Variants in PTK2 observed in about 807,000 individuals in gnomAD.
The protein encoded by PTK2 is protein tyrosine kinase 2, also known as focal adhesion kinase 1.
In PTK2, 45 loss-of-function variants were observed where a neutral mutation model predicts 150.1. The ratio of observed to expected loss-of-function variants is 0.30; its 90% CI spans 0.24 to 0.38. The LOEUF (loss-of-function observed/expected upper bound fraction) is 0.38, where lower values mean the gene tolerates loss of function less well. Ranked by LOEUF, PTK2 falls within the 10% of genes least tolerant of loss-of-function variation. The probability of loss-of-function intolerance (pLI) is 1.00; values close to 1 mark genes in which losing one functional copy is unlikely to be tolerated. For synonymous variants in PTK2, 432 were observed against 449.2 expected, an observed-to-expected ratio of 0.96 and a Z score of 0.48; for missense variants, 919 against 1,307.3, an observed-to-expected ratio of 0.70 and a Z score of 4.58.
At chr8:140,801,310 G>A (rs973668822) in intron 11 of PTK2, among the ~76,000 whole-genome samples, 5 of 152,230 alleles carry the variant, frequency 3.3e-5, no homozygotes, top group African/African-American at 1.2e-4. Context: ...CAGCACAACC[G>A]TGTGTGCCAC....
intron 22 of PTK2, among the ~76,000 whole-genome samples, chr8:140,725,593 C>T (rs986370180): frequency 3.9e-5 from 6 of 152,002 alleles, no homozygotes; most frequent in East Asian, 1.9e-4. Flanking sequence ...AAAAGGTAAT[C>T]GGAAAAAAGT....
upstream of PTK2, chr8:141,001,238 A>C (rs2100200151): frequency 6.8e-6 from 1 of 147,450 alleles, no homozygotes; most frequent in African/African-American, 2.5e-5. Flanking sequence ...GTGGTCCGGG[A>C]CCGGCGGCGG....
At chr8:140,750,304 A>G (rs2100061930) in intron 17 of PTK2, 1 of 152,248 alleles carries the variant, frequency 6.6e-6, no homozygotes, top group Non-Finnish European at 1.5e-5. Flanking sequence ...CACCAGAATG[A>G]CAAACATCTA....
At chr8:140,764,175 T>C in intron 15 of PTK2, 59 bp downstream of exon 17, 1 of 1,383,052 alleles carries the variant, frequency 7.2e-7, no homozygotes, top group Non-Finnish European at 1.0e-6. Context: ...TCAATAACTT[T>C]TAAATGCAAG....
intron 1 of PTK2, among the ~76,000 whole-genome samples, chr8:140,943,540 CAT>C (rs201882639): frequency 0.034 from 5,221 of 152,244 alleles, 303 homozygotes; most frequent in African/African-American, 0.12. Flanking sequence ...TAAATGTTCA[CAT>C]AGAGGTCATT....
intron 2 of PTK2, chr8:140,921,205 G>A (rs1296028709): frequency 1.0e-6 from 1 of 957,390 alleles, no homozygotes; most frequent in Non-Finnish European, 1.3e-6. Flanking sequence ...GTGACCCCAT[G>A]GCTCTGTGTT....
rs1426812801 is a variant in PTK2 at position 140,763,778 on chromosome 8, TA to T, written c.1234+455del. 7.2e-5 allele frequency among the ~76,000 whole-genome samples: 11 copies of T among 152,148 alleles called. No homozygotes were observed. The East Asian group carries it at 2.1e-3, about 29-fold the overall frequency. ...TTGGTTAGTCAATGGCAACAAAGAA[TA>T]AACAATTTAAAGGGGGAAAATGCAA... On this transcript the variant is annotated intron_variant, in intron 15 of 31. Transcript: ENST00000522684.
intron 7 of PTK2, chr8:140,832,865 A>C: frequency 1.9e-6 from 1 of 519,002 alleles, no homozygotes; most frequent in Non-Finnish European, 3.8e-6. Context: ...TCAAGAAGGC[A>C]ACTGGCCATG....
chr8:140,791,494 C>CGCT (rs1413780003), intron 13 of PTK2, among the ~76,000 whole-genome samples: 5 of 152,174 alleles, frequency 3.3e-5, no homozygotes, highest in South Asian at 2.1e-4. Context: ...GTGCACTAGC[C>CGCT]ACATGCAGAC....
chr8:140,865,420 C>T (rs2100138731), intron 4 of PTK2, among the ~76,000 whole-genome samples: 1 of 152,176 alleles, frequency 6.6e-6, no homozygotes, highest in South Asian at 2.1e-4. Context: ...TCTCCTTCAC[C>T]ACCTATTGAT....
chr8:140,933,686 C>T (rs1475000907), intron 1 of PTK2, among the ~76,000 whole-genome samples: 2 of 152,022 alleles, frequency 1.3e-5, no homozygotes, highest in Admixed American at 1.3e-4. Context: ...ATAAAATGTC[C>T]AGAATAGGCA....
intron 26 of PTK2, chr8:140,686,906 A>G (rs955458043): frequency 3.6e-6 from 2 of 555,554 alleles, no homozygotes; most frequent in South Asian, 2.0e-5. Context: ...CACACCTTAC[A>G]GACTGGTACC....
chr8:140,972,995 C>T (rs1275429724), intron 1 of PTK2, among the ~76,000 whole-genome samples: 1 of 152,206 alleles, frequency 6.6e-6, no homozygotes, highest in Non-Finnish European at 1.5e-5. Flanking sequence ...GAACAGATGT[C>T]AAGTATGACA....
chr8:140,818,915 T>C, exon 9 of PTK2: 1 of 1,613,644 alleles, frequency 6.2e-7, no homozygotes, highest in Non-Finnish European at 8.5e-7. Context: ...TTATCAAATC[T>C]GTAGACTGGA....
chr8:140,802,170 C>G (rs879272855), intron 11 of PTK2, among the ~76,000 whole-genome samples: 38 of 151,846 alleles, frequency 2.5e-4, no homozygotes, highest in African/African-American at 8.9e-4. Context: ...TAGGAGATGA[C>G]AGTTTCATGT....
chr8:140,982,998 TGAAA>T (rs1437676207), intron 1 of PTK2, among the ~76,000 whole-genome samples: 1 of 152,214 alleles, frequency 6.6e-6, no homozygotes, highest in African/African-American at 2.4e-5. Flanking sequence ...AATTCTCACT[TGAAA>T]GAATTCTATC....
At chr8:140,908,189 T>C (rs2100161715) in intron 2 of PTK2, among the ~76,000 whole-genome samples, 1 of 152,200 alleles carries the variant, frequency 6.6e-6, no homozygotes, top group African/African-American at 2.4e-5. Context: ...TTTGGTGGTC[T>C]GGATAGATCA....
At chr8:140,667,322 T>C (rs1430643214) in intron 30 of PTK2, among the ~76,000 whole-genome samples, 1 of 152,238 alleles carries the variant, frequency 6.6e-6, no homozygotes, top group Non-Finnish European at 1.5e-5. Context: ...GTTTCAGAAA[T>C]ACTGGCTTAG....
At chr8:140,924,960 T>G (rs1028694794) in intron 2 of PTK2, among the ~76,000 whole-genome samples, 2 of 152,180 alleles carry the variant, frequency 1.3e-5, no homozygotes, top group African/African-American at 4.8e-5. Context: ...CCCCTTCATA[T>G]GATGTACAAT....
Sources: allele counts gnomAD v4.1 joint callset (sites outside exome capture counted in the v4.1 genomes callset), GRCh38; gene constraint gnomAD v4.1.1; transcripts MANE v1.5; gene names NCBI Gene and HGNC (gene_info 2026-07-23, HGNC 2026-07-21).